The following DPP10 variants were observed in gnomAD, a reference collection of about 807,000 sequenced individuals.
The protein encoded by DPP10 is inactive dipeptidyl peptidase 10.
Under a neutral mutation model 120.9 loss-of-function variants are expected in DPP10, and 33 were observed. That is an observed-to-expected ratio of 0.27 (90% CI 0.21 to 0.37). DPP10 has a LOEUF of 0.37. Among genes scored for constraint, DPP10 ranks in the 10% least tolerant of loss-of-function variants. The pLI, the probability that DPP10 is intolerant of heterozygous loss-of-function variation, is 1.00. For missense variants in DPP10, 816 were observed against 942.8 expected, an observed-to-expected ratio of 0.87 and a Z score of 1.76; for synonymous variants, 337 against 326.1, an observed-to-expected ratio of 1.03 and a Z score of -0.36.
intron 7 of DPP10, among the ~76,000 whole-genome samples, chr2:115,704,655 A>G (rs184916922): frequency 1.3e-5 from 2 of 152,018 alleles, no homozygotes; most frequent in Non-Finnish European, 2.9e-5. Context: ...GGAAAAAGTC[A>G]TGTATGAGAA....
chr2:115,145,397 GA>G (rs2051166680), intron 1 of DPP10, among the ~76,000 whole-genome samples: 1 of 152,132 alleles, frequency 6.6e-6, no homozygotes, highest in Non-Finnish European at 1.5e-5. Flanking sequence ...TTGGAATTAT[GA>G]AGTATGTAGC....
chr2:114,679,114 C>T (rs1259695572), intron 1 of DPP10, among the ~76,000 whole-genome samples: 12 of 152,006 alleles, frequency 7.9e-5, no homozygotes, highest in Non-Finnish European at 1.6e-4. Context: ...TGATTACACC[C>T]CAGTGGTTCA....
At chr2:114,909,083 A>G (rs1213345487) in intron 1 of DPP10, among the ~76,000 whole-genome samples, 4 of 151,912 alleles carry the variant, frequency 2.6e-5, no homozygotes, top group Admixed American at 6.6e-5. Context: ...GTTTTCAAAT[A>G]TGAATTTCAA....
At chr2:115,289,409 C>T (rs1184112625) in intron 1 of DPP10, among the ~76,000 whole-genome samples, 1 of 143,882 alleles carries the variant, frequency 7.0e-6, no homozygotes, top group African/African-American at 2.6e-5. Context: ...GACAAAGATT[C>T]AGTGTGATTC....
chr2:114,500,628 G>A (rs1683072484), intron 1 of DPP10, among the ~76,000 whole-genome samples: 1 of 152,038 alleles, frequency 6.6e-6, no homozygotes, highest in South Asian at 2.1e-4. Flanking sequence ...GGCCTTAAGA[G>A]CAAAGTAAGA....
chr2:115,471,512 C>T (rs1025525454), intron 3 of DPP10, among the ~76,000 whole-genome samples: 15 of 152,238 alleles, frequency 9.9e-5, no homozygotes, highest in Non-Finnish European at 1.5e-4. Flanking sequence ...CTGAGAGGTT[C>T]GCAGTCTTAC....
intron 1 of DPP10, among the ~76,000 whole-genome samples, chr2:114,741,045 G>A (rs1678009692): frequency 6.6e-6 from 1 of 152,166 alleles, no homozygotes; most frequent in Admixed American, 6.6e-5. Flanking sequence ...TGGCATTTAT[G>A]TTATTAAAAT....
At chr2:115,546,043 G>A (rs995809447) in intron 5 of DPP10, among the ~76,000 whole-genome samples, 7 of 152,064 alleles carry the variant, frequency 4.6e-5, no homozygotes, top group Non-Finnish European at 7.4e-5. Flanking sequence ...TCTGAGCAAC[G>A]CCTAGATTTA....
intron 5 of DPP10, among the ~76,000 whole-genome samples, chr2:115,598,193 T>C (rs2083102126): frequency 6.6e-6 from 1 of 151,952 alleles, no homozygotes; most frequent in South Asian, 2.1e-4. Flanking sequence ...TGGGCCTTTT[T>C]TTTAATATTT....
intron 3 of DPP10, among the ~76,000 whole-genome samples, chr2:115,358,921 T>A (rs1004878984): frequency 6.6e-6 from 1 of 152,136 alleles, no homozygotes; most frequent in Non-Finnish European, 1.5e-5. Context: ...AAGAATAGCA[T>A]GGATGTAACC....
intron 1 of DPP10, among the ~76,000 whole-genome samples, chr2:114,639,138 G>A (rs1695521063): frequency 6.6e-6 from 1 of 151,858 alleles, no homozygotes; most frequent in South Asian, 2.1e-4. Context: ...AAGGAAAGAG[G>A]TTTAATTGAC....
chr2:114,961,448 C>CGT (rs74265866), intron 1 of DPP10, among the ~76,000 whole-genome samples: 12,002 of 150,318 alleles, frequency 0.08, 518 homozygotes, highest in East Asian at 0.12. Context: ...TGTTTGAATG[C>CGT]GTGTGTGTGT....
chr2:115,401,694 T>C (rs1427737241), intron 3 of DPP10, among the ~76,000 whole-genome samples: 1 of 152,158 alleles, frequency 6.6e-6, no homozygotes, highest in East Asian at 1.9e-4. Flanking sequence ...GTGGCTGGGC[T>C]ACACATCAAA....
At chr2:115,529,842 A>G (rs190267497) in intron 5 of DPP10, among the ~76,000 whole-genome samples, 14 of 152,272 alleles carry the variant, frequency 9.2e-5, no homozygotes, top group Admixed American at 5.2e-4. Context: ...TAGTGTCACA[A>G]TAACCATTCT....
intron 1 of DPP10, among the ~76,000 whole-genome samples, chr2:115,071,828 C>T (rs1275103927): frequency 1.3e-5 from 2 of 152,086 alleles, no homozygotes; most frequent in African/African-American, 4.8e-5. Flanking sequence ...AGGAAATTTC[C>T]TGGTCAATAA....
intron 1 of DPP10, among the ~76,000 whole-genome samples, chr2:114,619,441 G>A (rs116727721): frequency 0.02 from 2,956 of 151,334 alleles, 102 homozygotes; most frequent in African/African-American, 0.068. Flanking sequence ...AGAGCCAGGT[G>A]AAATCCAAAC....
chr2:115,766,180 A>G (rs1680684954), intron 12 of DPP10, among the ~76,000 whole-genome samples: 1 of 151,606 alleles, frequency 6.6e-6, no homozygotes, highest in African/African-American at 2.4e-5. Context: ...ATATGAGATT[A>G]GTGCAAAAGT....
intron 1 of DPP10, among the ~76,000 whole-genome samples, chr2:115,047,898 G>C (rs192840413): frequency 6.6e-6 from 1 of 152,080 alleles, no homozygotes; most frequent in Non-Finnish European, 1.5e-5. Flanking sequence ...CTATCCCTCA[G>C]TCCTCCATTT....
At chr2:114,883,553 C>T (rs765182966) in intron 1 of DPP10, among the ~76,000 whole-genome samples, 1 of 152,162 alleles carries the variant, frequency 6.6e-6, no homozygotes, top group Non-Finnish European at 1.5e-5. Context: ...GACTCTGGCT[C>T]ATTTTTCCTG....
Sources: allele counts gnomAD v4.1 joint callset (sites outside exome capture counted in the v4.1 genomes callset), GRCh38; gene constraint gnomAD v4.1.1; transcripts MANE v1.5; gene names NCBI Gene and HGNC (gene_info 2026-07-23, HGNC 2026-07-21).